USP47: variants seen among roughly 807,000 people sequenced by gnomAD.
The protein encoded by USP47 is ubiquitin specific peptidase 47.
Under a neutral mutation model 165.1 loss-of-function variants are expected in USP47, and 35 were observed. The ratio of observed to expected loss-of-function variants is 0.21; its 90% CI spans 0.16 to 0.28. USP47 has a LOEUF of 0.28. Ranked by LOEUF, USP47 falls within the 10% of genes least tolerant of loss-of-function variation. The pLI, the probability that USP47 is intolerant of heterozygous loss-of-function variation, is 1.00. For synonymous variants in USP47, 531 were observed against 544.5 expected (o/e 0.98, Z 0.35); for missense variants, 1,277 against 1,607.4 (o/e 0.79, Z 3.52).
chr11:11,891,189 A>C (rs1851488948), intron 3 of USP47, among the ~76,000 whole-genome samples: 1 of 152,228 alleles, frequency 6.6e-6, no homozygotes, highest in African/African-American at 2.4e-5. Flanking sequence ...AATGCCAAAA[A>C]AAGATTAAGA....
intron 1 of USP47, among the ~76,000 whole-genome samples, chr11:11,878,325 A>G (rs932106607): frequency 6.6e-6 from 1 of 152,226 alleles, no homozygotes; most frequent in Non-Finnish European, 1.5e-5. Flanking sequence ...AAATCTGGCT[A>G]CTACAGTATT....
chr11:11,942,383 G>A lies in USP47; in HGVS notation c.2362G>A (p.Asp788Asn), dbSNP rs756416567. ...ETLDYQMAFADSHLWKLLDRH... is the reference protein window; with the variant it reads ...ETLDYQMAFANSHLWKLLDRH... The stretch of plus-strand genomic sequence containing the variant: ...TTTGGATTACCAGATGGCCTTTGCA[G>A]ACTCTCATTTATGGAAACTCCTGGA... Residue 788 changes from aspartate to asparagine, a missense_variant, in exon 20 of 28, where the codon GAC becomes AAC. Asp to Asn is a conservative substitution (Grantham distance 23). Around this residue, in one of 4 missense-constraint regions of USP47, gnomAD observed 909 missense variants for 1,068.1 expected, o/e 0.85. Transcript: ENST00000527733. The A allele has an allele frequency of 1.9e-6, 3 of 1,612,758 alleles. No homozygotes were observed. The South Asian group carries it at 3.3e-5, about 18-fold the overall frequency.
At chr11:11,908,793 G>A (rs1172962441) in intron 8 of USP47, among the ~76,000 whole-genome samples, 1 of 152,062 alleles carries the variant, frequency 6.6e-6, no homozygotes, top group Non-Finnish European at 1.5e-5. Context: ...ACTCATCCAA[G>A]TACGGAATCA....
intron 20 of USP47, among the ~76,000 whole-genome samples, chr11:11,947,368 G>C (rs117558705): frequency 2.5e-4 from 38 of 152,214 alleles, no homozygotes; most frequent in Non-Finnish European, 4.1e-4. Flanking sequence ...AGACATCTTA[G>C]TATGCCAGTC....
Position 11,958,213 on chromosome 11 carries a change from G to C in USP47, c.*2038G>C, listed in dbSNP as rs1458207859. 6.6e-6 allele frequency: 1 copy of C among 152,184 alleles called. No homozygotes were observed. Among genetic ancestry groups the C allele is most frequent in the Non-Finnish European group, 1.5e-5 (1 of 68,042 alleles). 9.4% of individuals were successfully genotyped at this position (152,184 alleles called of 1,614,324 possible). ...TTTAGTATTCCTATGAGCGTAAATGGTAAAATTCTTCTGATACCCACTCTT... is the reference window on the plus strand; with the variant it reads ...TTTAGTATTCCTATGAGCGTAAATGCTAAAATTCTTCTGATACCCACTCTT... On this transcript the variant is annotated 3_prime_UTR_variant, in exon 28 of 28. Transcript: ENST00000527733.
intron 3 of USP47, among the ~76,000 whole-genome samples, chr11:11,887,338 CAT>C (rs1223074442): frequency 6.6e-6 from 1 of 152,108 alleles, no homozygotes; most frequent in African/African-American, 2.4e-5. Flanking sequence ...AGACCCATCT[CAT>C]GTGCAAAGAC....
chr11:11,857,877 C>T (rs1326119352), intron 1 of USP47, among the ~76,000 whole-genome samples: 1 of 152,182 alleles, frequency 6.6e-6, no homozygotes, highest in African/African-American at 2.4e-5. Flanking sequence ...GCCAAATCTT[C>T]ATTTGCATAG....
chr11:11,908,693 C>A (rs1389820801), intron 8 of USP47, among the ~76,000 whole-genome samples: 1 of 142,236 alleles, frequency 7.0e-6, no homozygotes, highest in Non-Finnish European at 1.5e-5. Flanking sequence ...GTAGGGAGGT[C>A]AAAAAAAGCC....
intron 1 of USP47, among the ~76,000 whole-genome samples, chr11:11,850,633 G>A (rs916389354): frequency 6.6e-6 from 1 of 152,164 alleles, no homozygotes; most frequent in Admixed American, 6.5e-5. Context: ...AAGCTGAATG[G>A]AAGCTCTGCT....
intron 1 of USP47, among the ~76,000 whole-genome samples, chr11:11,851,506 A>G (rs1848726166): frequency 6.6e-6 from 1 of 152,168 alleles, no homozygotes; most frequent in African/African-American, 2.4e-5. Context: ...AGAATTGCGG[A>G]AAGAGTACAA....
chr11:11,919,981 AT>A (rs1853710831), intron 8 of USP47, among the ~76,000 whole-genome samples, 174 bp from the exon 9 acceptor site: 3 of 151,908 alleles, frequency 2.0e-5, no homozygotes, highest in South Asian at 4.1e-4. Context: ...TTTTTGCTTA[AT>A]TTTTATAGTG....
At chr11:11,864,317 A>G (rs931896012) in intron 1 of USP47, among the ~76,000 whole-genome samples, 2 of 152,076 alleles carry the variant, frequency 1.3e-5, no homozygotes, top group Non-Finnish European at 2.9e-5. Flanking sequence ...TGCTTCTTCC[A>G]CAAATTTATG....
intron 20 of USP47, among the ~76,000 whole-genome samples, chr11:11,945,890 G>A (rs755281347): frequency 6.6e-6 from 1 of 150,662 alleles, no homozygotes; most frequent in Non-Finnish European, 1.5e-5. Context: ...AGCTATGATC[G>A]TACCACTGCA....
intron 4 of USP47, among the ~76,000 whole-genome samples, chr11:11,896,727 T>C (rs528763825): frequency 6.0e-4 from 91 of 152,186 alleles, no homozygotes; most frequent in African/African-American, 2.1e-3. Flanking sequence ...AGATAAAGGC[T>C]CTAATACGGA....
chr11:11,955,192 T>TAC, intron 27 of USP47, 28 bp downstream of exon 27: 1 of 1,602,038 alleles, frequency 6.2e-7, no homozygotes, highest in Non-Finnish European at 8.5e-7. Context: ...TTTGTTGCTG[T>TAC]TAGTAATACA....
chr11:11,897,765 C>T lies in USP47; in HGVS notation c.593+72C>T, dbSNP rs1041097339. 6 of 1,087,648 alleles carry T rather than the reference C, an allele frequency of 5.5e-6. No homozygotes were observed. The African/African-American group carries it at 8.0e-5, about 14-fold the overall frequency. The allele number at this position is 1,087,648 out of a possible 1,614,324, so 67.4% of individuals were successfully genotyped here. ...AAATATCACTTTTAACAAAATTTAT[C>T]TTCTTGCAGTTATTTTAAAGTTTGG... On this transcript the variant is annotated intron_variant, in intron 5 of 27. Transcript: ENST00000527733.
chr11:11,853,407 C>T (rs1848836809), intron 1 of USP47, among the ~76,000 whole-genome samples: 1 of 152,138 alleles, frequency 6.6e-6, no homozygotes, highest in African/African-American at 2.4e-5. Flanking sequence ...AGACATTCTC[C>T]ATTGTGGAAA....
chr11:11,910,981 G>C (rs914682770), intron 8 of USP47, among the ~76,000 whole-genome samples: 3 of 152,164 alleles, frequency 2.0e-5, no homozygotes, highest in African/African-American at 7.2e-5. Context: ...AAACACTTCA[G>C]TGAGCAGTCC....
At chr11:11,859,308 C>T (rs577466401) in intron 1 of USP47, among the ~76,000 whole-genome samples, 3 of 152,194 alleles carry the variant, frequency 2.0e-5, no homozygotes, top group African/African-American at 7.2e-5. Context: ...ATGCTAGTTA[C>T]AATTTTGGTA....
Sources: gnomAD v4.1 joint callset for allele counts (sites outside exome capture counted in the v4.1 genomes callset) on GRCh38, gnomAD v4.1.1 for gene constraint, gnomAD v4.1.1 regional missense constraint, MANE v1.5 for transcripts, NCBI Gene and HGNC (gene_info 2026-07-23, HGNC 2026-07-21) for gene names.